Variants in WIPF1 observed in about 807,000 individuals in gnomAD.
WIPF1 encodes WAS/WASL-interacting protein family member 1.
In WIPF1, 13 loss-of-function variants were observed where a neutral mutation model predicts 35.4. That is an observed-to-expected ratio of 0.37 (90% CI 0.24 to 0.58). WIPF1 has a LOEUF of 0.58. Ranked by LOEUF, WIPF1 falls within the 20% of genes least tolerant of loss-of-function variation. WIPF1 has a pLI of 0.74. For missense variants in WIPF1, 591 were observed against 667.0 expected (o/e 0.89, Z 1.25); for synonymous variants, 267 against 266.3 (o/e 1.00, Z -0.02).
At chr2:174,642,363 T>C (rs1687315187) in intron 1 of WIPF1, among the ~76,000 whole-genome samples, 2 of 146,666 alleles carry the variant, frequency 1.4e-5, no homozygotes, top group Non-Finnish European at 3.0e-5. Context: ...TTTTTTTTTT[T>C]TGAGACAGAG....
intron 1 of WIPF1, among the ~76,000 whole-genome samples, chr2:174,632,909 A>G (rs1687072001): frequency 6.6e-6 from 1 of 152,178 alleles, no homozygotes; most frequent in South Asian, 2.1e-4. Flanking sequence ...ATGTCCAGCC[A>G]CTGCTAAGTT....
At chr2:174,605,712 T>TGGG (rs981086035) in intron 1 of WIPF1, among the ~76,000 whole-genome samples, 6 of 151,984 alleles carry the variant, frequency 3.9e-5, no homozygotes, top group Non-Finnish European at 7.4e-5. Context: ...GGAGGGAAAG[T>TGGG]GGGTAGGGGT....
chr2:174,624,155 A>G (rs754655045), intron 1 of WIPF1, among the ~76,000 whole-genome samples: 1 of 152,238 alleles, frequency 6.6e-6, no homozygotes, highest in African/African-American at 2.4e-5. Context: ...CTCAACTAAT[A>G]ATGAACCTTT....
rs775147587 is a variant in WIPF1, at chr2:174,572,199, C to A, written c.606G>T (p.Gly202=). ...RPIQSSPHNR[G]SPPVPGGPRQ... ...TGGGGCCTCCGGGCACTGGTGGGGA[C>A]CCCCGGTTGTGCGGACTTGATTGAA... Residue 202 remains glycine, a synonymous_variant, in exon 5 of 8, where the codon GGG becomes GGT. Transcript: ENST00000679041. 1 of 1,614,120 alleles carries A rather than the reference C, an allele frequency of 6.2e-7. No homozygotes were observed. Among genetic ancestry groups the A allele is most frequent in the Admixed American group, 1.7e-5 (1 of 60,024 alleles).
At chr2:174,599,811 CTAGCTA>C (rs1374020723), upstream of WIPF1, among the ~76,000 whole-genome samples, 4 of 144,002 alleles carry the variant, frequency 2.8e-5, no homozygotes, top group South Asian at 4.3e-4. Context: ...CTCTCTCTCT[CTAGCTA>C]TCTCTCTCTC....
At chr2:174,642,735 G>A (rs1446450653) in intron 1 of WIPF1, among the ~76,000 whole-genome samples, 3 of 148,534 alleles carry the variant, frequency 2.0e-5, no homozygotes, top group Non-Finnish European at 4.4e-5. Flanking sequence ...CGGAAACCTT[G>A]AACTCCTGCC....
In WIPF1 at chr2:174,572,362, C is replaced by A. The variant is rs1559147510; in HGVS notation, c.443G>T (p.Gly148Val). ...AKPFSPPSGP[G>V]RFPVPSPGHR... ...GCCTGGAGAAGGCACAGGAAACCTCCCTGGGCCACTTGGGGGTGAAAAGGG... is the reference window on the plus strand; with the variant it reads ...GCCTGGAGAAGGCACAGGAAACCTCACTGGGCCACTTGGGGGTGAAAAGGG... Residue 148 changes from glycine (G) to valine (V), a missense_variant, in exon 5 of 8, where the codon GGG becomes GTG. Physicochemically the swap from Gly to Val is moderately radical, Grantham distance 109. This residue lies in a region of WIPF1 where 471 missense variants were observed against 501.1 expected (regional missense o/e 0.94). Coordinates refer to ENST00000679041, the MANE Select transcript of WIPF1 (RefSeq NM_001375834.1). The A allele has an allele frequency of 6.2e-7, 1 of 1,614,096 alleles. No homozygotes were observed. Among genetic ancestry groups the A allele is most frequent in the Admixed American group, 1.7e-5 (1 of 60,016 alleles).
chr2:174,619,619 G>A (rs555156209), intron 1 of WIPF1, among the ~76,000 whole-genome samples: 19 of 152,276 alleles, frequency 1.2e-4, no homozygotes, highest in East Asian at 7.7e-4. Flanking sequence ...GATGGCCTTC[G>A]GGGAAGGCCT....
chr2:174,641,582 A>G (rs374600696), intron 1 of WIPF1, among the ~76,000 whole-genome samples: 48 of 152,192 alleles, frequency 3.2e-4, no homozygotes, highest in African/African-American at 1.1e-3. Flanking sequence ...ACCATTTCCC[A>G]CTGGCATATC....
intron 4 of WIPF1, chr2:174,574,871 G>C (rs747287553): frequency 2.8e-6 from 2 of 717,062 alleles, no homozygotes; most frequent in Non-Finnish European, 5.2e-6. Context: ...GAATCTGTCA[G>C]GTCACCAGGC....
intron 1 of WIPF1, chr2:174,673,656 T>C (rs984407783): frequency 6.6e-6 from 1 of 152,332 alleles, no homozygotes; most frequent in African/African-American, 2.4e-5. Flanking sequence ...GGCTTGTTTC[T>C]ATCCTGGACG....
In WIPF1 at chr2:174,567,939, T is replaced by G. The variant is rs777176983; in HGVS notation, c.1264A>C (p.Arg422=). Residue 422 remains arginine, a synonymous_variant, in exon 6 of 8, where the codon AGG becomes CGG. Transcript: ENST00000679041. The part of the protein sequence containing the change: ...SGPRPPLPPD[R]PSAGAPPPPP... ...GGGGGAGGTGCCCCAGCACTGGGCC[T>G]ATCAGGAGGAAGGGGAGGCCTGGGT... The G allele has an allele frequency of 1.5e-5, 24 of 1,613,952 alleles. No homozygotes were observed. Among genetic ancestry groups the G allele is most frequent in the Non-Finnish European group, 1.8e-5 (21 of 1,179,992 alleles).
chr2:174,631,241 A>T (rs1363433326), intron 1 of WIPF1, among the ~76,000 whole-genome samples: 1 of 152,244 alleles, frequency 6.6e-6, no homozygotes, highest in Non-Finnish European at 1.5e-5. Context: ...GAATGAAGGG[A>T]TAAAGAAAAT....
chr2:174,659,329 G>A (rs1010927606), intron 1 of WIPF1, among the ~76,000 whole-genome samples: 7 of 152,132 alleles, frequency 4.6e-5, no homozygotes, highest in African/African-American at 1.7e-4. Flanking sequence ...TCCTGTTTGT[G>A]TATTAACAAA....
At chr2:174,682,883 C>T (rs903343866) in exon 1 of WIPF1, 2 of 152,210 alleles carry the variant, frequency 1.3e-5, no homozygotes, top group African/African-American at 2.4e-5. Context: ...GAAAAGCGCT[C>T]AGCGCCGGGA....
chr2:174,678,030 A>G (rs1028891402), intron 1 of WIPF1, among the ~76,000 whole-genome samples: 3 of 152,216 alleles, frequency 2.0e-5, no homozygotes, highest in African/African-American at 7.2e-5. Context: ...GGGTAAGTGA[A>G]TATCAAATGA....
intron 2 of WIPF1, among the ~76,000 whole-genome samples, chr2:174,584,867 G>A (rs1197005750): frequency 6.6e-6 from 1 of 150,738 alleles, no homozygotes; most frequent in Admixed American, 6.6e-5. Flanking sequence ...CTGAGATCGT[G>A]CCATTGCACT....
chr2:174,567,188 G>C lies in WIPF1; in HGVS notation c.1343-5C>G, dbSNP rs376965787. On this transcript the variant is annotated splice_region_variant and splice_polypyrimidine_tract_variant and intron_variant, in intron 6 of 7. Transcript: ENST00000679041. The stretch of plus-strand genomic sequence containing the variant: ...AGAATCTGCTTTCCCACTCATCTGG[G>C]AAGAGAAACAAGCAGTATCTTCAGT... 8.1e-6 allele frequency: 13 copies of C among 1,613,056 alleles called. No homozygotes were observed. Among genetic ancestry groups the C allele is most frequent in the Non-Finnish European group, 7.6e-6 (9 of 1,179,132 alleles).
chr2:174,675,147 T>C (rs1026571343), intron 1 of WIPF1, among the ~76,000 whole-genome samples: 1 of 152,174 alleles, frequency 6.6e-6, no homozygotes, highest in South Asian at 2.1e-4. Flanking sequence ...GAAAAAACTA[T>C]ATATGTGCAT....
Sources: gnomAD v4.1 joint callset for allele counts (sites outside exome capture counted in the v4.1 genomes callset) on GRCh38, gnomAD v4.1.1 for gene constraint, gnomAD v4.1.1 regional missense constraint, MANE v1.5 for transcripts, NCBI Gene and HGNC (gene_info 2026-07-23, HGNC 2026-07-21) for gene names.